The following THSD4 variants were observed in gnomAD, a reference collection of about 807,000 sequenced individuals.
THSD4 encodes thrombospondin type 1 domain containing 4.
A neutral mutation model predicts 119.0 loss-of-function variants in THSD4; 69 were observed. That is an observed-to-expected ratio of 0.58 (90% CI 0.48 to 0.71). THSD4 has a LOEUF of 0.71. Among genes scored for constraint, THSD4 ranks in the 30% least tolerant of loss-of-function variants. THSD4 has a pLI of 0.00. For synonymous variants in THSD4, 524 were observed against 540.4 expected (o/e 0.97, Z 0.42); for missense variants, 1,393 against 1,391.1 (o/e 1.00, Z -0.02).
At chr15:71,737,678 A>G in intron 10 of THSD4, 54 bp from the exon 11 acceptor site, 2 of 1,518,072 alleles carry the variant, frequency 1.3e-6, no homozygotes, top group East Asian at 4.6e-5. Flanking sequence ...TCCTCTTTAC[A>G]ACTCAGGGTC....
chr15:71,159,905 T>C (rs1215180989), intron 3 of THSD4, among the ~76,000 whole-genome samples: 1 of 152,108 alleles, frequency 6.6e-6, no homozygotes, highest in African/African-American at 2.4e-5. Flanking sequence ...AATGTTAATA[T>C]AATTTATACT....
intron 7 of THSD4, among the ~76,000 whole-genome samples, chr15:71,620,429 C>CA (rs34834724): frequency 1.1e-4 from 17 of 149,904 alleles, no homozygotes; most frequent in Admixed American, 4.7e-4. Context: ...TCTGTTTTTA[C>CA]AAAAAAAAAT....
At chr15:71,172,990 C>G (rs977412479) in intron 3 of THSD4, among the ~76,000 whole-genome samples, 1 of 151,750 alleles carries the variant, frequency 6.6e-6, no homozygotes, top group Admixed American at 6.6e-5. Flanking sequence ...ACTTTTGCCA[C>G]TTCTATTTAA....
intron 7 of THSD4, among the ~76,000 whole-genome samples, chr15:71,515,079 C>T (rs1267876386): frequency 1.3e-5 from 2 of 152,144 alleles, no homozygotes; most frequent in Non-Finnish European, 2.9e-5. Context: ...GTTTGGACAT[C>T]CTTAAGGAAT....
At chr15:71,702,422 T>TATA (rs201227698) in intron 8 of THSD4, among the ~76,000 whole-genome samples, 6,756 of 152,260 alleles carry the variant, frequency 0.044, 218 homozygotes, top group Non-Finnish European at 0.056. Flanking sequence ...ACATTTTATG[T>TATA]GTAAGGAAGG....
At chr15:71,603,061 G>A (rs529338298) in intron 7 of THSD4, among the ~76,000 whole-genome samples, 5 of 152,316 alleles carry the variant, frequency 3.3e-5, no homozygotes, top group African/African-American at 9.6e-5. Context: ...TGAGGGCTTA[G>A]CGGTGAGGTT....
intron 7 of THSD4, among the ~76,000 whole-genome samples, chr15:71,451,299 C>T (rs1484522368): frequency 6.6e-6 from 1 of 152,176 alleles, no homozygotes; most frequent in Non-Finnish European, 1.5e-5. Flanking sequence ...TTGAGTAATA[C>T]AAGTTGCTTC....
chr15:71,736,483 CTGTCTCTG>C (rs1327567665), intron 10 of THSD4, among the ~76,000 whole-genome samples: 3 of 151,962 alleles, frequency 2.0e-5, no homozygotes, highest in African/African-American at 7.3e-5. Context: ...CTCTCACTCT[CTGTCTCTG>C]TGTCTCTGTC....
chr15:71,204,050 G>T (rs1352191530), intron 3 of THSD4, among the ~76,000 whole-genome samples: 1 of 152,160 alleles, frequency 6.6e-6, no homozygotes, highest in Non-Finnish European at 1.5e-5. Context: ...GGCTTGGGTT[G>T]CAAATAGCCA....
intron 7 of THSD4, among the ~76,000 whole-genome samples, chr15:71,417,001 C>T (rs138414029): frequency 0.071 from 7,621 of 107,076 alleles, 2,409 homozygotes; most frequent in African/African-American, 0.23. Flanking sequence ...CCTCATGATC[C>T]GCCTGCCTCA....
chr15:71,554,093 T>TC (rs2048977547), intron 7 of THSD4, among the ~76,000 whole-genome samples: 1 of 61,640 alleles, frequency 1.6e-5, no homozygotes, highest in African/African-American at 5.9e-5. Context: ...TTGTTTGGTT[T>TC]GGTTTTTTTT....
intron 7 of THSD4, chr15:71,547,089 C>T: frequency 5.3e-6 from 3 of 570,158 alleles, no homozygotes; most frequent in African/African-American, 2.0e-5. Context: ...TGAATGAGAC[C>T]AGATGCAGAA....
intron 7 of THSD4, among the ~76,000 whole-genome samples, chr15:71,442,378 G>A (rs2047109162): frequency 6.6e-6 from 1 of 151,090 alleles, no homozygotes; most frequent in African/African-American, 2.4e-5. Context: ...AGACCAGCCT[G>A]GCCAACATGG....
At chr15:71,338,293 C>A (rs1159855021) in intron 6 of THSD4, among the ~76,000 whole-genome samples, 1 of 134,162 alleles carries the variant, frequency 7.5e-6, no homozygotes, top group African/African-American at 2.7e-5. Flanking sequence ...CTCTGAGCTT[C>A]TTTCCGAACA....
At chr15:71,630,399 C>T (rs554484693) in intron 7 of THSD4, among the ~76,000 whole-genome samples, 2 of 152,278 alleles carry the variant, frequency 1.3e-5, no homozygotes, top group African/African-American at 4.8e-5. Flanking sequence ...AAAAAATGTG[C>T]AGTACATCAG....
chr15:71,726,023 G>A (rs2052829500), intron 8 of THSD4, among the ~76,000 whole-genome samples: 1 of 152,138 alleles, frequency 6.6e-6, no homozygotes, highest in African/African-American at 2.4e-5. Context: ...CAGGTGATCT[G>A]CCCGCCTCAG....
intron 16 of THSD4, among the ~76,000 whole-genome samples, chr15:71,768,560 A>ATTTTTTT (rs964263863): frequency 3.0e-4 from 30 of 99,284 alleles, no homozygotes; most frequent in Non-Finnish European, 4.6e-4. Flanking sequence ...GCAGATCCTG[A>ATTTTTTT]TTTTTTTTTT....
intron 13 of THSD4, 85 bp downstream of exon 13, chr15:71,747,127 G>GGTAAC: frequency 2.1e-6 from 3 of 1,462,796 alleles, no homozygotes; most frequent in Non-Finnish European, 9.2e-7. Context: ...ACCTGAGATG[G>GGTAAC]GTAACCCTGA....
intron 7 of THSD4, among the ~76,000 whole-genome samples, chr15:71,490,762 A>G (rs568687823): frequency 3.5e-4 from 53 of 152,290 alleles, no homozygotes; most frequent in South Asian, 1.9e-3. Flanking sequence ...AAGTTGTACT[A>G]TACAGGTTGG....
Sources: allele counts gnomAD v4.1 joint callset (sites outside exome capture counted in the v4.1 genomes callset), GRCh38; gene constraint gnomAD v4.1.1; transcripts MANE v1.5; gene names NCBI Gene and HGNC (gene_info 2026-07-23, HGNC 2026-07-21).